The following MX2 variants were observed in gnomAD, a reference collection of about 807,000 sequenced individuals.
MX2 encodes MX dynamin like GTPase 2.
Under a neutral mutation model 74.0 loss-of-function variants are expected in MX2, and 51 were observed. That is an observed-to-expected ratio of 0.69 (90% CI 0.55 to 0.87). MX2 has a LOEUF of 0.87. Among genes scored for constraint, MX2 ranks in the 40% least tolerant of loss-of-function variants. MX2 has a pLI of 0.00. For missense variants in MX2, 832 were observed against 908.7 expected (o/e 0.92, Z 1.09); for synonymous variants, 369 against 339.3 (o/e 1.09, Z -0.96).
intron 12 of MX2, among the ~76,000 whole-genome samples, chr21:41,406,207 C>A (rs996221125): frequency 5.9e-5 from 9 of 152,172 alleles, no homozygotes; most frequent in African/African-American, 1.7e-4. Flanking sequence ...AGGTTGGTCT[C>A]GAGCTCCTGA....
chr21:41,382,583 T>A lies in MX2; in HGVS notation c.732+19T>A. On this transcript the variant is annotated intron_variant, in intron 5 of 13. Transcript: ENST00000330714. ...ACTGCAGGTGAGCCCTTCTGGAATT[T>A]GGGATTGGGCTCTGCTGAAGTGGGG... 1 of 1,613,894 alleles carries A rather than the reference T, an allele frequency of 6.2e-7. No homozygotes were observed. The highest frequency in any genetic ancestry group is 8.5e-7 in the Non-Finnish European group (1 of 1,179,942).
In MX2 at chr21:41,408,082, T is replaced by C; in HGVS notation, c.1997T>C (p.Met666Thr). 2 of 1,614,204 alleles carry C rather than the reference T, an allele frequency of 1.2e-6. No individual in the cohort carries two copies. The highest frequency in any genetic ancestry group is 1.7e-6 in the Non-Finnish European group (2 of 1,180,028). ...GGTGACTCCTTGCAGAAAGCCATGA[T>C]GCAGATACTACAGGAAAAAAATCGC... ...ENGDSLQKAM[M>T]QILQEKNRYS... Residue 666 changes from methionine to threonine, a missense_variant, in exon 14 of 14, where the codon ATG becomes ACG. Physicochemically the swap from Met to Thr is moderately conservative, Grantham distance 81. Transcript: ENST00000330714.
At chr21:41,371,446 C>T (rs745518100) in intron 1 of MX2, among the ~76,000 whole-genome samples, 3 of 152,178 alleles carry the variant, frequency 2.0e-5, no homozygotes, top group Non-Finnish European at 4.4e-5. Flanking sequence ...GCCTTGAGGT[C>T]TCTTCCAGCG....
In MX2 at chr21:41,363,787, T is replaced by G. The variant is rs1320019593; in HGVS notation, c.-72+1732T>G. The G allele has an allele frequency of 3.2e-5, 5 of 155,224 alleles. No homozygotes were observed. The highest frequency in any genetic ancestry group is 7.3e-5 in the Non-Finnish European group (5 of 68,350). The allele number at this position is 155,224 out of a possible 1,614,324, so 9.6% of individuals were successfully genotyped here. On this transcript the variant is annotated intron_variant, in intron 1 of 13. Coordinates refer to ENST00000330714, the MANE Select transcript of MX2 (RefSeq NM_002463.2). The surrounding 1 kb of genome is among the most constrained non-coding windows in gnomAD (Gnocchi z 4.2). ...CCTTAGACTTCAGCGGGAACCACCA[T>G]GTCCGGCACAGCCATTTCCATCCTT...
At chr21:41,392,770 C>T (rs1036258434) in intron 6 of MX2, among the ~76,000 whole-genome samples, 6 of 151,942 alleles carry the variant, frequency 3.9e-5, no homozygotes, top group Non-Finnish European at 8.8e-5. Context: ...TGAATTATTC[C>T]CTTGCAGACT....
At chr21:41,385,491 G>A (rs1222678310) in intron 5 of MX2, among the ~76,000 whole-genome samples, 2 of 152,210 alleles carry the variant, frequency 1.3e-5, no homozygotes, top group Non-Finnish European at 2.9e-5. Flanking sequence ...CTTGACTGCT[G>A]CTATGTAAGA....
At position 41,408,135 on chromosome 21, in the gene MX2, G is replaced by A; in HGVS notation, c.2050G>A (p.Glu684Lys). Residue 684 changes from glutamate (E) to lysine (K), a missense_variant, in exon 14 of 14, where the codon GAG (glutamate) becomes AAG (lysine). Glu to Lys is a moderately conservative substitution (Grantham distance 56). Coordinates refer to ENST00000330714, the MANE Select transcript of MX2 (RefSeq NM_002463.2). ...TTCCTGGCTGCTTCAAGAGCAGAGT[G>A]AGACCGCTACCAAGAGAAGAATCCT... is the stretch of plus-strand genomic sequence containing the variant. ...RYSWLLQEQS[E>K]TATKRRILKE... The A allele has an allele frequency of 1.2e-6, 2 of 1,614,230 alleles. No individual in the cohort carries two copies. Among genetic ancestry groups the A allele is most frequent in the Non-Finnish European group, 1.7e-6 (2 of 1,180,054 alleles).
intron 6 of MX2, among the ~76,000 whole-genome samples, chr21:41,391,076 C>T (rs1485686482): frequency 6.6e-6 from 1 of 151,286 alleles, no homozygotes; most frequent in Non-Finnish European, 1.5e-5. Flanking sequence ...TGCCGCACTT[C>T]TTTGGAAGAT....
At chr21:41,404,873 CAAAAAAAAA>C (rs547207365) in intron 12 of MX2, 1 of 69,092 alleles carries the variant, frequency 1.4e-5, no homozygotes, top group Non-Finnish European at 3.4e-5. Flanking sequence ...CACATATACT[CAAAAAAAAA>C]AAAAAAAAAG....
chr21:41,388,785 C>T lies in MX2; in HGVS notation c.733-1780C>T, dbSNP rs538937559. ...CACATGAGTGAGTGTGCATTAAATA[C>T]GGTGATTCCCAGCCCAGAGCTTTTG... On this transcript the variant is annotated intron_variant, in intron 5 of 13. Transcript: ENST00000330714. This position sits in a 1 kb window ranked among gnomAD's most constrained non-coding sequence, Gnocchi z 4.0. Among the ~76,000 whole-genome samples the T allele has an allele frequency of 3.9e-4, 60 of 152,306 alleles. 1 individual carries two copies. Among genetic ancestry groups the T allele is most frequent in the Admixed American group, 1.4e-3 (22 of 15,304 alleles).
At chr21:41,379,456 C>G (rs754915839) in intron 3 of MX2, among the ~76,000 whole-genome samples, 2 of 152,182 alleles carry the variant, frequency 1.3e-5, no homozygotes, top group Admixed American at 6.5e-5. Context: ...ATTCCCCTTG[C>G]TCCTCCTTCG....
intron 1 of MX2, chr21:41,370,120 G>A (rs1234841792): frequency 6.6e-6 from 1 of 152,268 alleles, no homozygotes; most frequent in Non-Finnish European, 1.5e-5. Flanking sequence ...CATGGCGGGT[G>A]GGTAAAGGTT....
At chr21:41,403,229 G>A (rs1023407458) in intron 11 of MX2, 38 bp from the exon 12 acceptor site, 1 of 1,507,748 alleles carries the variant, frequency 6.6e-7, no homozygotes, top group African/African-American at 1.4e-5. Flanking sequence ...TTTTACTGAT[G>A]TTTTCTTCTT....
At chr21:41,399,461 T>C in intron 10 of MX2, 124 bp downstream of exon 10, 1 of 1,081,866 alleles carries the variant, frequency 9.2e-7, no homozygotes, top group South Asian at 1.7e-5. Flanking sequence ...GAACCCTTGG[T>C]AATCAGCAAC....
In MX2 at chr21:41,391,232, G is replaced by A. The variant is rs549949702; in HGVS notation, c.871+529G>A. ...TGAGCATGTCAACAAAGTTAACACT[G>A]AAGAAAAGAAAGGAAAGAAAAAAAG... On this transcript the variant is annotated intron_variant, in intron 6 of 13. Transcript: ENST00000330714. Among the ~76,000 whole-genome samples, 28 of 151,796 alleles carry A rather than the reference G, an allele frequency of 1.8e-4. No individual in the cohort carries two copies. The South Asian group carries it at 5.9e-3, about 32-fold the overall frequency.
intron 1 of MX2, chr21:41,364,785 G>A (rs1166556974): frequency 1.3e-5 from 2 of 152,166 alleles, no homozygotes; most frequent in Non-Finnish European, 2.9e-5. Flanking sequence ...CAATGTTCGA[G>A]GGCAGGAAGC....
intron 6 of MX2, among the ~76,000 whole-genome samples, chr21:41,391,323 TAGTC>T (rs974711542): frequency 1.6e-4 from 24 of 152,072 alleles, no homozygotes; most frequent in Middle Eastern, 3.4e-3. Context: ...TACTTTTTAA[TAGTC>T]AGTTTTCTGG....
At chr21:41,405,319 G>A (rs1399744637) in intron 12 of MX2, among the ~76,000 whole-genome samples, 1 of 151,996 alleles carries the variant, frequency 6.6e-6, no homozygotes, top group Non-Finnish European at 1.5e-5. Flanking sequence ...CTTAGTTCAA[G>A]CTTCTATCAC....
At chr21:41,379,186 T>C (rs527978009) in intron 3 of MX2, among the ~76,000 whole-genome samples, 1 of 152,296 alleles carries the variant, frequency 6.6e-6, no homozygotes, top group Admixed American at 6.5e-5. Context: ...TCCTTCTCCG[T>C]GCTCTGGGTT....
Sources: allele counts gnomAD v4.1 joint callset (sites outside exome capture counted in the v4.1 genomes callset), GRCh38; gene constraint gnomAD v4.1.1; non-coding constraint Gnocchi (gnomAD v3.1); transcripts MANE v1.5; gene names NCBI Gene and HGNC (gene_info 2026-07-23, HGNC 2026-07-21).